DMD: variants seen among roughly 807,000 people sequenced by gnomAD.
DMD encodes the protein mutant dystrophin.
In DMD, 63 loss-of-function variants were observed where a neutral mutation model predicts 330.1. That is an observed-to-expected ratio of 0.19 (90% confidence interval 0.16 to 0.24). DMD has a LOEUF of 0.24. Ranked by LOEUF, DMD falls within the 10% of genes least tolerant of loss-of-function variation. The pLI, the probability that DMD is intolerant of heterozygous loss-of-function variation, is 1.00. For missense variants in DMD, 3,344 were observed against 2,684.1 expected, an observed-to-expected ratio of 1.25 and a Z score of -5.43; for synonymous variants, 1,223 against 959.8, an observed-to-expected ratio of 1.27 and a Z score of -5.07.
intron 7 of DMD, among the ~76,000 whole-genome samples, chrX:32,802,654 C>T (rs1197997764): frequency 9.0e-6 from 1 of 111,345 alleles, no homozygotes; most frequent in Non-Finnish European, 1.9e-5. Flanking sequence ...TCCATCAATA[C>T]CTAGTTTATT....
chrX:31,817,557 C>G (rs1271901050), intron 50 of DMD, among the ~76,000 whole-genome samples: 1 of 110,733 alleles, frequency 9.0e-6, no homozygotes, highest in Non-Finnish European at 1.9e-5. Context: ...TGAAAAGCAC[C>G]TGCTTTTGAG....
intron 45 of DMD, among the ~76,000 whole-genome samples, chrX:31,945,149 C>T (rs1477956916): frequency 5.4e-5 from 6 of 111,696 alleles, no homozygotes; most frequent in Admixed American, 3.8e-4. Flanking sequence ...AAATGATATA[C>T]ACACTGCTCA....
At chrX:33,233,549 G>T (rs2052425781) in intron 1 of DMD, among the ~76,000 whole-genome samples, 1 of 112,432 alleles carries the variant, frequency 8.9e-6, no homozygotes, top group Non-Finnish European at 1.9e-5. Flanking sequence ...TAGTTCGAAA[G>T]GATTAAATAC....
At chrX:31,938,776 C>CCATGAGCT (rs780732991) in intron 45 of DMD, among the ~76,000 whole-genome samples, 2 of 112,130 alleles carry the variant, frequency 1.8e-5, no homozygotes, top group Admixed American at 9.5e-5. Flanking sequence ...TGCCATATGT[C>CCATGAGCT]CATGAGCTAC....
At chrX:33,067,770 G>C (rs1218019874) in intron 1 of DMD, among the ~76,000 whole-genome samples, 2 of 110,365 alleles carry the variant, frequency 1.8e-5, no homozygotes. Flanking sequence ...GCTTGAACCC[G>C]AGAGGTGGAG....
intron 5 of DMD, among the ~76,000 whole-genome samples, chrX:32,820,696 G>A (rs774929389): frequency 2.7e-5 from 3 of 111,337 alleles, no homozygotes; most frequent in African/African-American, 9.8e-5. Context: ...TCTGTCTTAC[G>A]CAAAGCGGGA....
At chrX:33,227,322 A>C (rs1254162008) in intron 1 of DMD, among the ~76,000 whole-genome samples, 1 of 110,992 alleles carries the variant, frequency 9.0e-6, no homozygotes, top group African/African-American at 3.3e-5. Flanking sequence ...AAAAGAAAAA[A>C]ATCCCCTCCC....
rs904456746 is a variant in DMD at position 31,352,582 on chromosome X, C to T, written c.9085-3948G>A. ...ATTTTGCCTTCTTATACAAGGAGCG[C>T]TCCAGTGGTAGTTTCCAGTGTACAT... On this transcript the variant is annotated intron_variant, in intron 60 of 78. Coordinates refer to ENST00000357033, the MANE Select transcript of DMD (RefSeq NM_004006.3). 2.9e-4 allele frequency among the ~76,000 whole-genome samples: 33 copies of T among 111,968 alleles called. 1 individual carries two copies. The highest frequency in any genetic ancestry group is 1.0e-3 in the African/African-American group (31 of 30,817).
intron 45 of DMD, among the ~76,000 whole-genome samples, chrX:31,943,878 T>TGAGTGAGA (rs1444880425): frequency 2.7e-5 from 2 of 74,497 alleles, no homozygotes; most frequent in Admixed American, 3.5e-4. Flanking sequence ...CCCCAGAGAG[T>TGAGTGAGA]GAGAGAGAGA....
intron 25 of DMD, 148 bp from the exon 26 acceptor site, chrX:32,454,980 G>A (rs908304288): frequency 3.3e-6 from 2 of 603,389 alleles, no homozygotes; most frequent in African/African-American, 4.6e-5. Context: ...ATAACTCATG[G>A]GGATCAGATA....
intron 63 of DMD, among the ~76,000 whole-genome samples, chrX:31,256,307 A>G (rs2049952174): frequency 8.9e-6 from 1 of 112,132 alleles, no homozygotes; most frequent in Non-Finnish European, 1.9e-5. Context: ...AATGTGATGT[A>G]AAAAATTTTC....
intron 44 of DMD, among the ~76,000 whole-genome samples, chrX:32,151,903 T>C (rs1182362931): frequency 8.9e-6 from 1 of 112,005 alleles, no homozygotes; most frequent in Non-Finnish European, 1.9e-5. Context: ...TTAAAAAAGA[T>C]GGCTGTTAAT....
At chrX:32,882,951 T>G in intron 2 of DMD, among the ~76,000 whole-genome samples, 1 of 112,372 alleles carries the variant, frequency 8.9e-6, no homozygotes, top group East Asian at 2.8e-4. Context: ...CATGCAATTC[T>G]TCCTGCCTCT....
chrX:32,017,510 A>C (rs865955125), intron 44 of DMD, among the ~76,000 whole-genome samples: 2 of 112,106 alleles, frequency 1.8e-5, no homozygotes, highest in Non-Finnish European at 3.8e-5. Context: ...TGGGAAAAGA[A>C]CCCTGTATTG....
intron 17 of DMD, among the ~76,000 whole-genome samples, chrX:32,535,721 C>T (rs1021507818): frequency 1.8e-5 from 2 of 111,632 alleles, no homozygotes; most frequent in African/African-American, 3.3e-5. Context: ...CCTTATATTA[C>T]GTTTCCTCTC....
At chrX:32,276,018 C>A (rs1269260595) in intron 43 of DMD, among the ~76,000 whole-genome samples, 1 of 111,967 alleles carries the variant, frequency 8.9e-6, no homozygotes, top group Non-Finnish European at 1.9e-5. Flanking sequence ...TCCCAATCAC[C>A]CAGCACTGGA....
At chrX:32,307,263 G>A (rs893013668) in intron 42 of DMD, among the ~76,000 whole-genome samples, 1 of 111,109 alleles carries the variant, frequency 9.0e-6, no homozygotes, top group Non-Finnish European at 1.9e-5. Flanking sequence ...TGTGCGATGG[G>A]GTCTTAATCC....
chrX:31,585,091 G>A (rs186033519), intron 55 of DMD, among the ~76,000 whole-genome samples: 6 of 110,283 alleles, frequency 5.4e-5, no homozygotes, highest in South Asian at 3.9e-4. Flanking sequence ...GGAGGCTGAG[G>A]TGGGCAGATC....
At chrX:31,705,716 C>T (rs2084134017) in intron 52 of DMD, among the ~76,000 whole-genome samples, 1 of 112,363 alleles carries the variant, frequency 8.9e-6, no homozygotes, top group Non-Finnish European at 1.9e-5. Flanking sequence ...TGGAAATCAA[C>T]ACGGACCCAC....
Sources: allele counts gnomAD v4.1 joint callset (sites outside exome capture counted in the v4.1 genomes callset), GRCh38; gene constraint gnomAD v4.1.1; transcripts MANE v1.5; gene names NCBI Gene and HGNC (gene_info 2026-07-23, HGNC 2026-07-21).